ZNF496: variants seen among roughly 807,000 people sequenced by gnomAD.
ZNF496 encodes the protein zinc finger protein 496.
Under a neutral mutation model 58.9 loss-of-function variants are expected in ZNF496, and 11 were observed. That is an observed-to-expected ratio of 0.19 (90% CI 0.12 to 0.31). The LOEUF is 0.31. Among genes scored for constraint, ZNF496 ranks in the 10% least tolerant of loss-of-function variants. The pLI, the probability that ZNF496 is intolerant of heterozygous loss-of-function variation, is 1.00. For synonymous variants in ZNF496, 338 were observed against 318.2 expected, an observed-to-expected ratio of 1.06 and a Z score of -0.66; for missense variants, 660 against 783.0, an observed-to-expected ratio of 0.84 and a Z score of 1.88.
At position 247,328,685 on chromosome 1, in the gene ZNF496, G is replaced by C. The variant is rs1660218996; in HGVS notation, c.572C>G (p.Pro191Arg). The C allele has an allele frequency of 6.3e-7, 1 of 1,581,360 alleles. No homozygotes were observed. Among genetic ancestry groups the C allele is most frequent in the African/African-American group, 1.3e-5 (1 of 74,184 alleles). The change falls in exon 5 of 10, where the codon CCA becomes CGA. Residue 191 changes from proline (P) to arginine (R), a missense_variant and splice_region_variant. Physicochemically the swap from Pro to Arg is moderately radical, Grantham distance 103. Coordinates refer to ENST00000682384, the MANE Select transcript of ZNF496 (RefSeq NM_032752.3). ...SRPPSQLSGD[P>R]VLQDAFLLQE... is the part of the protein sequence containing the mutation. ...CTACACTCCCCTGGGCTGCATACCTGGGTCCCCGCTGAGCTGGCTTGGTGG... is the reference window on the plus strand; with the variant it reads ...CTACACTCCCCTGGGCTGCATACCTCGGTCCCCGCTGAGCTGGCTTGGTGG...
rs1044860247 is a variant in ZNF496 at position 247,310,304 on chromosome 1, G to A, written c.784+20C>T. ...GCCCAGTTCCCTGGTCTTGAGGTGT[G>A]GGGGGAAGTTAAGTCTTACTTGGAG... is the stretch of plus-strand genomic sequence containing the variant. On this transcript the variant is annotated intron_variant, in intron 7 of 9. Coordinates refer to ENST00000682384, the MANE Select transcript of ZNF496 (RefSeq NM_032752.3). 2 of 1,613,784 alleles carry A rather than the reference G, an allele frequency of 1.2e-6. No individual in the cohort carries two copies. Among genetic ancestry groups the A allele is most frequent in the Non-Finnish European group, 1.7e-6 (2 of 1,179,922 alleles).
At chr1:247,326,029 TAC>T (rs1196598820) in intron 5 of ZNF496, among the ~76,000 whole-genome samples, 1 of 138,788 alleles carries the variant, frequency 7.2e-6, no homozygotes, top group South Asian at 2.5e-4. Flanking sequence ...TATATATATA[TAC>T]ACACGCATAT....
intron 9 of ZNF496, chr1:247,304,039 G>A (rs1423388559): frequency 2.3e-6 from 1 of 441,432 alleles, no homozygotes; most frequent in Non-Finnish European, 4.5e-6. Flanking sequence ...TATACCAGCA[G>A]AAACACTGCC....
At chr1:247,319,704 C>T (rs537734120) in intron 6 of ZNF496, among the ~76,000 whole-genome samples, 111 of 152,252 alleles carry the variant, frequency 7.3e-4, no homozygotes, top group Non-Finnish European at 1.3e-3. Flanking sequence ...AGGTGGATCA[C>T]GTGAGGTCAG....
chr1:247,304,675 T>C (rs1423896898), intron 9 of ZNF496, among the ~76,000 whole-genome samples: 1 of 152,220 alleles, frequency 6.6e-6, no homozygotes, highest in Non-Finnish European at 1.5e-5. Flanking sequence ...CACCTAGCCC[T>C]GACCTGCTAG....
chr1:247,321,451 T>C (rs1160145018), intron 6 of ZNF496, among the ~76,000 whole-genome samples: 1 of 152,146 alleles, frequency 6.6e-6, no homozygotes, highest in Non-Finnish European at 1.5e-5. Context: ...TGTACAACAA[T>C]GTAAATATAC....
In ZNF496 at chr1:247,308,944, T is replaced by A. The variant is rs1188174619; in HGVS notation, c.893-356A>T. On this transcript the variant is annotated intron_variant, in intron 8 of 9. Transcript: ENST00000682384. The surrounding 1 kb of genome is among the most constrained non-coding windows in gnomAD (Gnocchi z 4.5). Reference sequence around the variant, plus strand: ...CACAGGCTCCTGCACACTCCGCACATCCTGCACAAACAGCTTGTGCAGAGC... The same window carrying A: ...CACAGGCTCCTGCACACTCCGCACAACCTGCACAAACAGCTTGTGCAGAGC... 4 of 283,640 alleles carry A rather than the reference T, an allele frequency of 1.4e-5. No homozygotes were observed. The highest frequency in any genetic ancestry group is 2.7e-5 in the Non-Finnish European group (4 of 145,974). 17.6% of individuals were successfully genotyped at this position (283,640 alleles called of 1,614,324 possible).
At chr1:247,313,836 T>C (rs1659687306) in intron 6 of ZNF496, 1 of 152,172 alleles carries the variant, frequency 6.6e-6, no homozygotes, top group Non-Finnish European at 1.5e-5. Context: ...GGCCTCTCTG[T>C]ACTGAGAAGG....
intron 9 of ZNF496, chr1:247,307,522 A>C: frequency 3.0e-6 from 3 of 985,420 alleles, no homozygotes; most frequent in Non-Finnish European, 3.6e-6. Flanking sequence ...GTGGACCCCA[A>C]ATGAATGCAT....
At chr1:247,307,232 C>A in intron 9 of ZNF496, 1 of 985,388 alleles carries the variant, frequency 1.0e-6, no homozygotes, top group Non-Finnish European at 1.2e-6. Flanking sequence ...TTTAGGAAGG[C>A]AAGCTGGCAG....
intron 5 of ZNF496, among the ~76,000 whole-genome samples, chr1:247,324,261 A>C (rs1660052024): frequency 6.6e-6 from 1 of 152,178 alleles, no homozygotes; most frequent in Admixed American, 6.5e-5. Context: ...GGACTCTAAA[A>C]AAGTTGAACT....
rs994366521 is a variant in ZNF496 at position 247,307,180 on chromosome 1, C to T, written c.1006+1295G>A. 5.1e-6 allele frequency: 5 copies of T among 985,422 alleles called. No individual in the cohort carries two copies. In the South Asian group the frequency reaches 1.9e-4, roughly 37 times the overall value. The allele number at this position is 985,422 out of a possible 1,614,324, so 61.0% of individuals were successfully genotyped here. A position where few individuals can be genotyped will look rare whatever the true frequency, so the allele number is the denominator to read the frequency against. ...GTGGGCATGGATATAGAGAAGCAGA[C>T]CTTATCACCAGCTATCCGGCATCAG... On this transcript the variant is annotated intron_variant, in intron 9 of 9. Coordinates refer to ENST00000682384, the MANE Select transcript of ZNF496 (RefSeq NM_032752.3).
Position 247,309,974 on chromosome 1 carries a change from C to T in ZNF496, c.785-168G>A, listed in dbSNP as rs1472606380. 3.0e-6 allele frequency: 4 copies of T among 1,334,838 alleles called. No individual in the cohort carries two copies. Among genetic ancestry groups the T allele is most frequent in the East Asian group, 2.5e-5 (1 of 39,724 alleles). The allele number at this position is 1,334,838 out of a possible 1,614,324, so 82.7% of individuals were successfully genotyped here. Reference sequence around the variant, plus strand: ...CAGTGCAGGGGCAGTGGGGGCAGCACACGCAGGGAGAGCTATGGGCTTGGG... The same window carrying T: ...CAGTGCAGGGGCAGTGGGGGCAGCATACGCAGGGAGAGCTATGGGCTTGGG... On this transcript the variant is annotated intron_variant, in intron 7 of 9. Coordinates refer to ENST00000682384, the MANE Select transcript of ZNF496 (RefSeq NM_032752.3). This position sits in a 1 kb window ranked among gnomAD's most constrained non-coding sequence, Gnocchi z 4.3.
At chr1:247,310,602 G>T in intron 6 of ZNF496, 146 bp from the exon 7 acceptor site, 1 of 1,068,490 alleles carries the variant, frequency 9.4e-7, no homozygotes, top group Non-Finnish European at 1.3e-6. Context: ...CTGGAGGCTG[G>T]ACGTCCAAGA....
In ZNF496 at chr1:247,329,517, AT is replaced by A; in HGVS notation, c.61del (p.Met21Ter). On this transcript the variant is annotated frameshift_variant, in exon 4 of 10. Transcript: ENST00000682384. LOFTEE classifies it high-confidence loss of function. This position sits in a 1 kb window ranked among gnomAD's most constrained non-coding sequence, Gnocchi z 5.5. ...APKESEEPRK[M>X]RSPPGENPSP... ...AGGGTTCTCTCCAGGTGGGCTCCTC[AT>A]TTTCCTGGGCTCCTCACTTTCCTTC... The A allele has an allele frequency of 6.3e-7, 1 of 1,583,812 alleles. No individual in the cohort carries two copies. The highest frequency in any genetic ancestry group is 8.6e-7 in the Non-Finnish European group (1 of 1,169,576).
At position 247,329,156 on chromosome 1, in the gene ZNF496, T is replaced by TCTACCCGTC. The variant is rs890994401; in HGVS notation, c.390+24_390+32dup. 1 of 1,612,838 alleles carries TCTACCCGTC rather than the reference T, an allele frequency of 6.2e-7. No individual in the cohort carries two copies. The highest frequency in any genetic ancestry group is 8.5e-7 in the Non-Finnish European group (1 of 1,179,972). On this transcript the variant is annotated intron_variant, in intron 4 of 9. Coordinates refer to ENST00000682384, the MANE Select transcript of ZNF496 (RefSeq NM_032752.3). The surrounding 1 kb of genome is among the most constrained non-coding windows in gnomAD (Gnocchi z 5.5). The stretch of plus-strand genomic sequence containing the variant: ...AGCCAAAGTGTCTAAGTACCAGATC[T>TCTACCCGTC]CTACCCGTCCCAGCCCCACCTCTTC...
At position 247,310,194 on chromosome 1, in the gene ZNF496, G is replaced by C. The variant is rs1659557164; in HGVS notation, c.784+130C>G. ...GCAAATGACCTCCTGTCCAGGTTGGGGGTGAACAGAGAGATCTGATGCAGG... is the reference window on the plus strand; with the variant it reads ...GCAAATGACCTCCTGTCCAGGTTGGCGGTGAACAGAGAGATCTGATGCAGG... On this transcript the variant is annotated intron_variant, in intron 7 of 9. Transcript: ENST00000682384. The C allele has an allele frequency of 3.3e-6, 5 of 1,498,644 alleles. No homozygotes were observed. In the East Asian group the frequency reaches 1.2e-4, roughly 35 times the overall value. 92.8% of individuals were successfully genotyped at this position (1,498,644 alleles called of 1,614,324 possible). A position where few individuals can be genotyped will look rare whatever the true frequency, so the allele number is the denominator to read the frequency against.
At position 247,300,899 on chromosome 1, in the gene ZNF496, G is replaced by A; in HGVS notation, c.1384C>T (p.Pro462Ser). ...GHLESHEAQKPYRCGACGKSF... is the reference protein window; with the variant it reads ...GHLESHEAQKSYRCGACGKSF... ...TTCCCGCAGGCACCACACCGGTAAG[G>A]CTTCTGGGCCTCGTGGCTCTCTAGG... Residue 462 changes from proline (P) to serine (S), a missense_variant, in exon 10 of 10, where the codon CCT (proline) becomes TCT (serine). Transcript: ENST00000682384. This position sits in a 1 kb window ranked among gnomAD's most constrained non-coding sequence, Gnocchi z 5.7. The A allele has an allele frequency of 1.2e-6, 2 of 1,612,782 alleles. No homozygotes were observed. Among genetic ancestry groups the A allele is most frequent in the Non-Finnish European group, 1.7e-6 (2 of 1,179,254 alleles).
chr1:247,307,853 G>GC, intron 9 of ZNF496: 3 of 985,396 alleles, frequency 3.0e-6, no homozygotes, highest in Non-Finnish European at 3.6e-6. Context: ...TGTAGCCTCT[G>GC]CTTCTGGAAG....
Sources: allele counts gnomAD v4.1 joint callset (sites outside exome capture counted in the v4.1 genomes callset), GRCh38; gene constraint gnomAD v4.1.1; non-coding constraint Gnocchi (gnomAD v3.1); transcripts MANE v1.5; gene names NCBI Gene and HGNC (gene_info 2026-07-23, HGNC 2026-07-21).